The following TECPR2 variants were observed in gnomAD, a reference collection of about 807,000 sequenced individuals.
TECPR2 encodes the protein tectonin beta-propeller repeat containing 2, also known as tectonin beta-propeller repeat-containing protein 2.
Under a neutral mutation model 138.1 loss-of-function variants are expected in TECPR2, and 65 were observed. The observed-to-expected ratio is 0.47, with a 90% CI of 0.39 to 0.58. The LOEUF (loss-of-function observed/expected upper bound fraction) is 0.58. Ranked by LOEUF, TECPR2 falls within the 20% of genes least tolerant of loss-of-function variation. The pLI, the probability that TECPR2 is intolerant of heterozygous loss-of-function variation, is 0.00. For synonymous variants in TECPR2, 746 were observed against 749.8 expected (o/e 0.99, Z 0.08); for missense variants, 1,553 against 1,824.5 (o/e 0.85, Z 2.71).
intron 17 of TECPR2, among the ~76,000 whole-genome samples, chr14:102,468,018 A>AT (rs1595141189): frequency 2.1e-5 from 3 of 146,290 alleles, no homozygotes; most frequent in Admixed American, 1.4e-4. Flanking sequence ...TTTTTTCCAT[A>AT]TTTTTTTAGT....
chr14:102,407,564 A>G, intron 3 of TECPR2, 98 bp downstream of exon 3: 1 of 1,451,588 alleles, frequency 6.9e-7, no homozygotes, highest in East Asian at 2.6e-5. Flanking sequence ...GTTTATGCTC[A>G]GAGAAAGCCG....
rs2139803612 is a variant in TECPR2, at chr14:102,497,563, C to T, written c.3932-7C>T. The T allele has an allele frequency of 6.3e-7, 1 of 1,582,130 alleles. No individual in the cohort carries two copies. The highest frequency in any genetic ancestry group is 8.6e-7 in the Non-Finnish European group (1 of 1,162,426). ...AGGGGCTCAGGAGGGACCCTGTCTG[C>T]CCACAGGGTTGCAGGCCTGCCAGCT... On this transcript the variant is annotated splice_region_variant and splice_polypyrimidine_tract_variant and intron_variant, in intron 18 of 19. Coordinates refer to ENST00000359520, the MANE Select transcript of TECPR2 (RefSeq NM_014844.5).
In TECPR2 at chr14:102,490,604, G is replaced by A. The variant is rs1177463137; in HGVS notation, c.3790-6375G>A. On this transcript the variant is annotated intron_variant, in intron 17 of 19. Coordinates refer to ENST00000359520, the MANE Select transcript of TECPR2 (RefSeq NM_014844.5). ...GGTCATGATTGCCGCGACCACCCGGGGTGCTGAGCTCCGCCCCGGCCTGGC... is the reference window on the plus strand; with the variant it reads ...GGTCATGATTGCCGCGACCACCCGGAGTGCTGAGCTCCGCCCCGGCCTGGC... 6.6e-5 allele frequency among the ~76,000 whole-genome samples: 10 copies of A among 152,206 alleles called. No individual in the cohort carries two copies. In the East Asian group the frequency reaches 1.9e-3, roughly 29 times the overall value.
intron 2 of TECPR2, among the ~76,000 whole-genome samples, chr14:102,384,563 G>A (rs1597773630): frequency 6.6e-6 from 1 of 151,736 alleles, no homozygotes; most frequent in African/African-American, 2.4e-5. Context: ...TGTAATCCCA[G>A]CTACTCAGGA....
At chr14:102,402,375 AT>A (rs1424654404) in intron 2 of TECPR2, among the ~76,000 whole-genome samples, 2 of 152,186 alleles carry the variant, frequency 1.3e-5, no homozygotes, top group Middle Eastern at 3.2e-3. Flanking sequence ...ACATACCAAA[AT>A]TTATGGGACA....
chr14:102,445,755 G>A (rs769767811), intron 12 of TECPR2, 51 bp from the exon 13 acceptor site: 6 of 1,580,610 alleles, frequency 3.8e-6, no homozygotes, highest in Admixed American at 1.7e-5. Flanking sequence ...CAGACACACT[G>A]GGCACTCTGC....
At position 102,431,809 on chromosome 14, in the gene TECPR2, G is replaced by T. The variant is rs1321239357; in HGVS notation, c.1098G>T (p.Leu366=). 1.9e-6 allele frequency: 3 copies of T among 1,572,080 alleles called. No individual in the cohort carries two copies. Among genetic ancestry groups the T allele is most frequent in the Non-Finnish European group, 2.6e-6 (3 of 1,152,872 alleles). The change falls in exon 8 of 20, where the codon CTG becomes CTT. Residue 366 remains leucine, a synonymous_variant. Transcript: ENST00000359520. ...CTTCTTTCTTAGTGAGAGATGGTCTGGAGATGTCTGGATGCTCAGAGCGTG... is the reference window on the plus strand; with the variant it reads ...CTTCTTTCTTAGTGAGAGATGGTCTTGAGATGTCTGGATGCTCAGAGCGTG... ...EGLTSTVRDG[L]EMSGCSERVH... is the part of the protein sequence containing the mutation.
chr14:102,430,182 C>G (rs552061975), intron 7 of TECPR2, among the ~76,000 whole-genome samples: 46 of 152,200 alleles, frequency 3.0e-4, no homozygotes, highest in African/African-American at 1.1e-3. Context: ...CCATGTTACC[C>G]AGGCTGGTCT....
intron 15 of TECPR2, 111 bp downstream of exon 15, chr14:102,450,760 C>T: frequency 9.3e-7 from 1 of 1,071,578 alleles, no homozygotes; most frequent in Non-Finnish European, 1.4e-6. Context: ...GCCTCGGAGA[C>T]TGACCACGTG....
chr14:102,376,526 TCC>T, intron 1 of TECPR2, 122 bp from the exon 2 acceptor site: 1 of 592,234 alleles, frequency 1.7e-6, no homozygotes, highest in Non-Finnish European at 3.0e-6. Flanking sequence ...GTGTTTACTT[TCC>T]CTGTTTATTT....
In TECPR2 at chr14:102,438,172, G is replaced by A; in HGVS notation, c.2545G>A (p.Asp849Asn). The A allele has an allele frequency of 6.2e-7, 1 of 1,612,014 alleles. No homozygotes were observed. Among genetic ancestry groups the A allele is most frequent in the Non-Finnish European group, 8.5e-7 (1 of 1,179,964 alleles). ...CGGGCTGCGCTGGCAGAAGTTTGAAGATGCTGTCCAGCAGGTGGCAGTCTC... is the reference window on the plus strand; with the variant it reads ...CGGGCTGCGCTGGCAGAAGTTTGAAAATGCTGTCCAGCAGGTGGCAGTCTC... Reference protein sequence around the residue: ...GAGLRWQKFEDAVQQVAVSPS... With the variant: ...GAGLRWQKFENAVQQVAVSPS... Residue 849 changes from aspartate (D) to asparagine (N), a missense_variant, in exon 10 of 20, where the codon GAT (aspartate) becomes AAT (asparagine). Asp to Asn is a conservative substitution (Grantham distance 23, BLOSUM62 1). Coordinates refer to ENST00000359520, the MANE Select transcript of TECPR2 (RefSeq NM_014844.5).
chr14:102,377,977 G>A (rs1299647525), intron 2 of TECPR2, among the ~76,000 whole-genome samples: 1 of 152,234 alleles, frequency 6.6e-6, no homozygotes, highest in African/African-American at 2.4e-5. Flanking sequence ...CTGCAGTGCT[G>A]TGGACTCAGG....
At chr14:102,368,828 G>A (rs948316184) in intron 1 of TECPR2, among the ~76,000 whole-genome samples, 25 of 152,098 alleles carry the variant, frequency 1.6e-4, no homozygotes, top group African/African-American at 5.8e-4. Context: ...CCACAGAGTT[G>A]GTGAGGAGGC....
intron 7 of TECPR2, 146 bp from the exon 8 acceptor site, chr14:102,431,650 C>T (rs893780949): frequency 1.1e-5 from 10 of 883,786 alleles, no homozygotes; most frequent in Non-Finnish European, 1.5e-5. Flanking sequence ...CCTAGTTTTG[C>T]TGGTTTCTAT....
rs576730365 is a variant in TECPR2 at position 102,405,044 on chromosome 14, C to T, written c.220-2294C>T. On this transcript the variant is annotated intron_variant, in intron 2 of 19. Coordinates refer to ENST00000359520, the MANE Select transcript of TECPR2 (RefSeq NM_014844.5). The stretch of plus-strand genomic sequence containing the variant: ...TCAAAATGGCCGGGGCCTGGTGGCT[C>T]ACACCTGTAATCCCAGCACTTGGGA... Among the ~76,000 whole-genome samples, 484 of 152,130 alleles carry T rather than the reference C, an allele frequency of 3.2e-3. 4 individuals are homozygous for T. Among genetic ancestry groups the T allele is most frequent in the African/African-American group, 0.011 (470 of 41,522 alleles).
rs1887214037 is a variant in TECPR2, at chr14:102,362,968, G to A, written c.-221G>A. ...TTGTGGCTCTGCCGCTCTAGCCCCC[G>A]GCGGAGCCAGCTGCTGCTCTTCGGT... On this transcript the variant is annotated 5_prime_UTR_variant, in exon 1 of 20. Coordinates refer to ENST00000359520, the MANE Select transcript of TECPR2 (RefSeq NM_014844.5). The A allele has an allele frequency of 2.2e-6, 3 of 1,381,900 alleles. No individual in the cohort carries two copies. Among genetic ancestry groups the A allele is most frequent in the Non-Finnish European group, 3.0e-6 (3 of 995,208 alleles). 85.6% of individuals were successfully genotyped at this position (1,381,900 alleles called of 1,614,324 possible).
intron 1 of TECPR2, among the ~76,000 whole-genome samples, chr14:102,363,379 C>A (rs1247295174): frequency 1.3e-5 from 2 of 152,180 alleles, no homozygotes; most frequent in Non-Finnish European, 2.9e-5. Flanking sequence ...GCCCGCCCCT[C>A]CTCAGGCCTC....
At chr14:102,385,006 G>A (rs1370968683) in intron 2 of TECPR2, among the ~76,000 whole-genome samples, 7 of 151,580 alleles carry the variant, frequency 4.6e-5, no homozygotes, top group Admixed American at 1.3e-4. Context: ...ACAGGTGTGC[G>A]CCACCACATC....
intron 1 of TECPR2, among the ~76,000 whole-genome samples, chr14:102,373,117 A>G (rs138314401): frequency 1.3e-5 from 2 of 152,236 alleles, no homozygotes; most frequent in African/African-American, 2.4e-5. Context: ...AGTGGAGGTA[A>G]CATTCATGTC....
Sources: gnomAD v4.1 joint callset for allele counts (sites outside exome capture counted in the v4.1 genomes callset) on GRCh38, gnomAD v4.1.1 for gene constraint, MANE v1.5 for transcripts, NCBI Gene and HGNC (gene_info 2026-07-23, HGNC 2026-07-21) for gene names.